The following CNOT1 variants were observed in gnomAD, a reference collection of about 807,000 sequenced individuals.
CNOT1 encodes CCR4-associated factor 1.
In CNOT1, 15 loss-of-function variants were observed where a neutral mutation model predicts 273.8. The ratio of observed to expected loss-of-function variants is 0.05; its 90% CI spans 0.04 to 0.08. The LOEUF is 0.08. Among genes scored for constraint, CNOT1 ranks in the 10% least tolerant of loss-of-function variants. The pLI, the probability that CNOT1 is intolerant of heterozygous loss-of-function variation, is 1.00. For missense variants in CNOT1, 1,644 were observed against 2,912.2 expected (o/e 0.56, Z 10.02); for synonymous variants, 1,022 against 1,005.5 (o/e 1.02, Z -0.31).
chr16:58,551,125 T>C lies in CNOT1; in HGVS notation c.3342+7A>G. ...AAGGCATTTATAAACTATGACAGCA[T>C]GCTCACCTTTTGTGTCATATTTGAC... On this transcript the variant is annotated splice_region_variant and intron_variant, in intron 24 of 48. Coordinates refer to ENST00000317147, the MANE Select transcript of CNOT1 (RefSeq NM_016284.5). 6.2e-7 allele frequency: 1 copy of C among 1,607,678 alleles called. No individual in the cohort carries two copies. Among genetic ancestry groups the C allele is most frequent in the Non-Finnish European group, 8.5e-7 (1 of 1,178,528 alleles).
At position 58,538,828 on chromosome 16, in the gene CNOT1, T is replaced by C. The variant is rs750924223; in HGVS notation, c.5079A>G (p.Lys1693=). Reference sequence around the variant, plus strand: ...CATATGCCCGGCCATCCTGCAGAGCTTTTAGGACCAAGAGGTGGCATTCCC... The same window carrying C: ...CATATGCCCGGCCATCCTGCAGAGCCTTTAGGACCAAGAGGTGGCATTCCC... ...RYRECHLLVL[K]ALQDGRAYGS... Residue 1693 remains lysine, a synonymous_variant, in exon 36 of 49, where the codon AAA becomes AAG. Coordinates refer to ENST00000317147, the MANE Select transcript of CNOT1 (RefSeq NM_016284.5). 1.2e-6 allele frequency: 2 copies of C among 1,612,310 alleles called. No homozygotes were observed.
At chr16:58,546,832 G>T (rs1316906350) in intron 27 of CNOT1, 83 bp from the exon 28 acceptor site, 23 of 1,524,440 alleles carry the variant, frequency 1.5e-5, no homozygotes, top group Non-Finnish European at 1.9e-5. Flanking sequence ...ACAACATAAG[G>T]GGGTAGGGGG....
chr16:58,573,914 G>T (rs902236244), intron 16 of CNOT1, among the ~76,000 whole-genome samples: 3 of 152,054 alleles, frequency 2.0e-5, no homozygotes, highest in Non-Finnish European at 4.4e-5. Context: ...TTGTGATCAA[G>T]ACTGTGGAAC....
At chr16:58,529,598 G>A (rs1413497609) in intron 43 of CNOT1, among the ~76,000 whole-genome samples, 4 of 152,150 alleles carry the variant, frequency 2.6e-5, no homozygotes, top group Non-Finnish European at 5.9e-5. Flanking sequence ...AGCACTTCAG[G>A]AGGCTGAGGC....
At chr16:58,553,685 TA>T in intron 22 of CNOT1, 96 bp downstream of exon 22, 1 of 1,397,270 alleles carries the variant, frequency 7.2e-7, no homozygotes, top group Non-Finnish European at 9.3e-7. Flanking sequence ...TAAGAAATCT[TA>T]ATGCCATTAC....
chr16:58,571,700 G>C (rs539215286), intron 16 of CNOT1, among the ~76,000 whole-genome samples: 1 of 152,164 alleles, frequency 6.6e-6, no homozygotes, highest in Non-Finnish European at 1.5e-5. Flanking sequence ...ATAGGAGGCC[G>C]GGCATAGTGG....
At chr16:58,582,964 A>G in intron 9 of CNOT1, 61 bp from the exon 10 acceptor site, 2 of 1,611,456 alleles carry the variant, frequency 1.2e-6, no homozygotes, top group East Asian at 2.2e-5. Flanking sequence ...CTTCTGGTCG[A>G]TAGAACAATC....
In CNOT1 at chr16:58,545,427, G is replaced by A. The variant is rs1376545292; in HGVS notation, c.4071C>T (p.Tyr1357=). 1 of 1,614,162 alleles carries A rather than the reference G, an allele frequency of 6.2e-7. No homozygotes were observed. Residue 1357 remains tyrosine, a synonymous_variant, in exon 30 of 49, where the codon TAC becomes TAT. Transcript: ENST00000317147. ...AATAGACATTGATGTCGTGGTAGCT[G>A]TACTGTGGCTGTGGTGGAACCGTGG... ...CTATVPPQPQ[Y]SYHDINVYSL...
rs780544219 is a variant in CNOT1, at chr16:58,543,564, AGTAATAC to A, written c.4434+36_4434+42del. ...AAGAAAAAAATTATTACAGACAAGC[AGTAATAC>A]GTTTTGTACCTATACCAAGGAAATA... is the stretch of plus-strand genomic sequence containing the variant. On this transcript the variant is annotated intron_variant, in intron 31 of 48. Transcript: ENST00000317147. The A allele has an allele frequency of 3.1e-6, 5 of 1,613,662 alleles. No homozygotes were observed. In the South Asian group the frequency reaches 5.5e-5, roughly 18 times the overall value.
chr16:58,625,524 T>C (rs1597631771), intron 1 of CNOT1, among the ~76,000 whole-genome samples: 2 of 142,912 alleles, frequency 1.4e-5, no homozygotes, highest in South Asian at 2.2e-4. Flanking sequence ...AAAAAACATA[T>C]ATATATAAAA....
intron 46 of CNOT1, 29 bp from the exon 47 acceptor site, chr16:58,523,531 CTT>C: frequency 6.2e-7 from 1 of 1,611,230 alleles, no homozygotes; most frequent in Non-Finnish European, 8.5e-7. Context: ...TGACTTAGGA[CTT>C]AGTCTGAAAG....
At chr16:58,562,865 C>T (rs542149596) in intron 16 of CNOT1, among the ~76,000 whole-genome samples, 2 of 152,274 alleles carry the variant, frequency 1.3e-5, no homozygotes, top group East Asian at 3.9e-4. Flanking sequence ...TGAACTTAGT[C>T]TTTAAATCTT....
rs980366750 is a variant in CNOT1, at chr16:58,520,125, C to T, written c.*833G>A. 12 of 152,174 alleles carry T rather than the reference C, an allele frequency of 7.9e-5. No homozygotes were observed. The highest frequency in any genetic ancestry group is 2.7e-4 in the African/African-American group (11 of 41,424). The allele number at this position is 152,174 out of a possible 1,614,324, so 9.4% of individuals were successfully genotyped here. A position where few individuals can be genotyped will look rare whatever the true frequency, so the allele number is the denominator to read the frequency against. On this transcript the variant is annotated 3_prime_UTR_variant, in exon 49 of 49. Transcript: ENST00000317147. The stretch of plus-strand genomic sequence containing the variant: ...TCCTTTCAACTTTGTCATTATTCAG[C>T]TTAGCCTGTATGGCCATTCATTCAG...
intron 2 of CNOT1, among the ~76,000 whole-genome samples, chr16:58,598,472 G>A (rs1026559191): frequency 1.3e-5 from 2 of 151,460 alleles, no homozygotes; most frequent in East Asian, 1.9e-4. Context: ...GGGAGGCTGA[G>A]GCACGAGAAT....
intron 40 of CNOT1, among the ~76,000 whole-genome samples, chr16:58,533,808 G>A (rs2039849500): frequency 6.6e-6 from 1 of 152,128 alleles, no homozygotes; most frequent in African/African-American, 2.4e-5. Flanking sequence ...CTGGGCGACA[G>A]AGCGAGACTC....
At chr16:58,604,688 T>C (rs895159413) in intron 1 of CNOT1, among the ~76,000 whole-genome samples, 4 of 149,830 alleles carry the variant, frequency 2.7e-5, no homozygotes, top group Admixed American at 6.7e-5. Context: ...TCCCAGCTAC[T>C]TGGGAGGCTG....
chr16:58,609,846 T>C (rs1296079484), intron 1 of CNOT1, among the ~76,000 whole-genome samples: 2 of 149,416 alleles, frequency 1.3e-5, no homozygotes, highest in Admixed American at 6.7e-5. Flanking sequence ...TAGGGTGATA[T>C]ATATATATAT....
At chr16:58,549,464 G>A (rs1315641345) in intron 25 of CNOT1, among the ~76,000 whole-genome samples, 1 of 152,102 alleles carries the variant, frequency 6.6e-6, no homozygotes, top group Non-Finnish European at 1.5e-5. Context: ...CAGTGGTAAA[G>A]TTCTAAAATC....
At chr16:58,620,089 T>C (rs1436583696) in intron 1 of CNOT1, among the ~76,000 whole-genome samples, 1 of 152,164 alleles carries the variant, frequency 6.6e-6, no homozygotes, top group Non-Finnish European at 1.5e-5. Flanking sequence ...AAGAATGCTA[T>C]ATTCTATCAA....
Sources: allele counts gnomAD v4.1 joint callset (sites outside exome capture counted in the v4.1 genomes callset), GRCh38; gene constraint gnomAD v4.1.1; transcripts MANE v1.5; gene names NCBI Gene and HGNC (gene_info 2026-07-23, HGNC 2026-07-21).